The following BCL11A variants were observed in gnomAD, a reference collection of about 807,000 sequenced individuals.
BCL11A encodes BCL11 transcription factor A, also known as B cell CLL/lymphoma 11A.
In BCL11A, 2 loss-of-function variants were observed where a neutral mutation model predicts 55.9. That is an observed-to-expected ratio of 0.04 (90% CI 0.01 to 0.11). BCL11A has a LOEUF of 0.11. Among genes scored for constraint, BCL11A ranks in the 10% least tolerant of loss-of-function variants. The probability of loss-of-function intolerance (pLI) is 1.00; values close to 1 mark genes in which losing one functional copy is unlikely to be tolerated. For synonymous variants in BCL11A, 465 were observed against 473.4 expected, an observed-to-expected ratio of 0.98 and a Z score of 0.23; for missense variants, 817 against 1,137.1, an observed-to-expected ratio of 0.72 and a Z score of 4.05.
intron 2 of BCL11A, among the ~76,000 whole-genome samples, chr2:60,523,301 G>T (rs1271051731): frequency 4.6e-5 from 7 of 152,152 alleles, no homozygotes; most frequent in African/African-American, 1.7e-4. Flanking sequence ...GCTTGGGACT[G>T]TTGCTCCTAA....
chr2:60,531,163 A>G (rs1465967593), intron 2 of BCL11A, among the ~76,000 whole-genome samples: 3 of 148,882 alleles, frequency 2.0e-5, no homozygotes, highest in African/African-American at 4.9e-5. Context: ...AAATTAGAGA[A>G]AAAAAAAAAA....
At chr2:60,529,051 G>A (rs1017715867) in intron 2 of BCL11A, among the ~76,000 whole-genome samples, 7 of 152,290 alleles carry the variant, frequency 4.6e-5, no homozygotes, top group East Asian at 1.9e-4. Context: ...GGCAACACAC[G>A]TCTATGGGGA....
rs1333652289 is a variant in BCL11A, at chr2:60,467,819, G to T, written c.487+913C>A. Among the ~76,000 whole-genome samples, 2 of 113,888 alleles carry T rather than the reference G, an allele frequency of 1.8e-5. 1 individual carries two copies. Among genetic ancestry groups the T allele is most frequent in the Non-Finnish European group, 4.0e-5 (2 of 50,086 alleles). The allele number at this position is 113,888 out of a possible 152,430, so 74.7% of individuals were successfully genotyped here. On this transcript the variant is annotated intron_variant, in intron 3 of 3. Coordinates refer to ENST00000642384, the MANE Select transcript of BCL11A (RefSeq NM_022893.4). Reference sequence around the variant, plus strand: ...GGTACTGGTGGTGATGGTACTGGTGGTGATGGTGATGGTGGTGGTGGTGGT... The same window carrying T: ...GGTACTGGTGGTGATGGTACTGGTGTTGATGGTGATGGTGGTGGTGGTGGT...
rs1676113563 is a variant in BCL11A at position 60,459,505 on chromosome 2, G to C, written c.*899C>G. 1 of 1,022,090 alleles carries C rather than the reference G, an allele frequency of 9.8e-7. No homozygotes were observed. Among genetic ancestry groups the C allele is most frequent in the Non-Finnish European group, 1.2e-6 (1 of 851,464 alleles). 63.3% of individuals were successfully genotyped at this position (1,022,090 alleles called of 1,614,324 possible). A position where few individuals can be genotyped will look rare whatever the true frequency, so the allele number is the denominator to read the frequency against. ...TATAAAATTAAACTAAAGGAAAAAT[G>C]ATGATTAACTAGGACATAATGGGTC... is the stretch of plus-strand genomic sequence containing the variant. On this transcript the variant is annotated 3_prime_UTR_variant, in exon 4 of 4. Transcript: ENST00000642384.
chr2:60,468,121 T>TGTGGTGGTGGTGGTGATGGTG (rs1302177313), intron 3 of BCL11A, among the ~76,000 whole-genome samples: 3 of 60,390 alleles, frequency 5.0e-5, no homozygotes, highest in Non-Finnish European at 7.0e-5. Context: ...CAGTGGTGGT[T>TGTGGTGGTGGTGGTGATGGTG]GTGGTGGTGG....
In BCL11A at chr2:60,460,369, T is replaced by A. The variant is rs371406296; in HGVS notation, c.*35A>T. The stretch of plus-strand genomic sequence containing the variant: ...AAGGGGAGTGGTGAAAAAGGGGGTG[T>A]CAGGTGGGAGTGAGGGAGGGGTATT... On this transcript the variant is annotated 3_prime_UTR_variant, in exon 4 of 4. Transcript: ENST00000642384. 2 of 1,551,670 alleles carry A rather than the reference T, an allele frequency of 1.3e-6. No homozygotes were observed. The highest frequency in any genetic ancestry group is 1.8e-6 in the Non-Finnish European group (2 of 1,142,640).
chr2:60,487,351 C>T (rs938349117), intron 2 of BCL11A, among the ~76,000 whole-genome samples: 1 of 152,118 alleles, frequency 6.6e-6, no homozygotes, highest in Admixed American at 6.5e-5. Flanking sequence ...ATGCCACACA[C>T]CGAGAGTGGA....
At chr2:60,494,515 G>C (rs1229216186) in intron 2 of BCL11A, among the ~76,000 whole-genome samples, 1 of 152,200 alleles carries the variant, frequency 6.6e-6, no homozygotes. Flanking sequence ...GGGACGAAAA[G>C]TGTTCATTCC....
At chr2:60,545,891 A>T (rs1317090964) in intron 2 of BCL11A, 80 bp downstream of exon 2, 1 of 1,242,400 alleles carries the variant, frequency 8.0e-7, no homozygotes, top group Non-Finnish European at 1.1e-6. Flanking sequence ...GCACTTCACA[A>T]CTCCTTACTG....
chr2:60,507,982 T>C (rs1253302900), intron 2 of BCL11A, among the ~76,000 whole-genome samples: 1 of 152,168 alleles, frequency 6.6e-6, no homozygotes, highest in African/African-American at 2.4e-5. Flanking sequence ...TTTAAAATCA[T>C]ATGGTCTTCG....
Position 60,485,717 on chromosome 2 carries a change from G to A in BCL11A, c.386-16884C>T, listed in dbSNP as rs76980554. The stretch of plus-strand genomic sequence containing the variant: ...TGAGAAGTGAAGTTGCCTTTCACTC[G>A]GGACTGTCAAACACAGTCTATAAAT... On this transcript the variant is annotated intron_variant, in intron 2 of 3. Transcript: ENST00000642384. Among the ~76,000 whole-genome samples the A allele has an allele frequency of 1.4e-3, 214 of 152,212 alleles. 4 individuals are homozygous for A. The East Asian group carries it at 0.038, about 27-fold the overall frequency.
At chr2:60,465,146 T>C (rs968056866) in intron 3 of BCL11A, among the ~76,000 whole-genome samples, 2 of 152,204 alleles carry the variant, frequency 1.3e-5, no homozygotes, top group Admixed American at 1.3e-4. Context: ...CGGTGTACCA[T>C]ATTATATTAC....
chr2:60,544,897 C>T (rs1160095222), intron 2 of BCL11A: 2 of 152,206 alleles, frequency 1.3e-5, no homozygotes, highest in Non-Finnish European at 1.5e-5. Flanking sequence ...CTGTTTATCA[C>T]TTAGAGAAGG....
At chr2:60,491,575 G>A (rs991476656) in intron 2 of BCL11A, among the ~76,000 whole-genome samples, 1 of 152,062 alleles carries the variant, frequency 6.6e-6, no homozygotes, top group African/African-American at 2.4e-5. Flanking sequence ...GGGAGGCTGA[G>A]GCAGGAGATC....
chr2:60,488,446 A>C (rs1678413611), intron 2 of BCL11A, among the ~76,000 whole-genome samples: 1 of 152,246 alleles, frequency 6.6e-6, no homozygotes, highest in South Asian at 2.1e-4. Flanking sequence ...CAAATGTGAA[A>C]GAAAGGACAC....
intron 2 of BCL11A, among the ~76,000 whole-genome samples, chr2:60,514,354 C>A (rs1237124937): frequency 6.6e-6 from 1 of 152,100 alleles, no homozygotes; most frequent in Non-Finnish European, 1.5e-5. Context: ...GAGAACAAGC[C>A]ATCTGAAAAT....
chr2:60,466,016 G>A (rs2103903792), intron 3 of BCL11A, among the ~76,000 whole-genome samples: 1 of 152,264 alleles, frequency 6.6e-6, no homozygotes, highest in South Asian at 2.1e-4. Flanking sequence ...ATGCCGCCAA[G>A]TGGAATGGGC....
chr2:60,498,835 T>C (rs539533068), intron 2 of BCL11A, among the ~76,000 whole-genome samples: 3 of 152,252 alleles, frequency 2.0e-5, no homozygotes, highest in African/African-American at 7.2e-5. Context: ...GATGTACTAA[T>C]ATGTATGTAC....
intron 2 of BCL11A, among the ~76,000 whole-genome samples, chr2:60,487,821 C>G (rs543611784): frequency 6.6e-6 from 1 of 152,172 alleles, no homozygotes; most frequent in Non-Finnish European, 1.5e-5. Context: ...ATTTATGAAC[C>G]TTTAATGGGA....
Sources: gnomAD v4.1 joint callset for allele counts (sites outside exome capture counted in the v4.1 genomes callset) on GRCh38, gnomAD v4.1.1 for gene constraint, MANE v1.5 for transcripts, NCBI Gene and HGNC (gene_info 2026-07-23, HGNC 2026-07-21) for gene names.